The following LRMDA variants were observed in gnomAD, a reference collection of about 807,000 sequenced individuals.
The protein encoded by LRMDA is leucine rich melanocyte differentiation associated, also known as leucine-rich melanocyte differentiation-associated protein.
In LRMDA, 18 loss-of-function variants were observed where a neutral mutation model predicts 29.8. The observed-to-expected ratio is 0.60, with a 90% confidence interval of 0.42 to 0.90. The LOEUF is 0.90. Among genes scored for constraint, LRMDA ranks in the 40% least tolerant of loss-of-function variants. The probability of loss-of-function intolerance (pLI) is 0.00; values close to 1 mark genes in which losing one functional copy is unlikely to be tolerated. For missense variants in LRMDA, 273 were observed against 273.9 expected (o/e 1.00, Z 0.02); for synonymous variants, 125 against 109.4 (o/e 1.14, Z -0.89).
chr10:76,357,484 A>C (rs1009248184), intron 6 of LRMDA, among the ~76,000 whole-genome samples: 2 of 152,150 alleles, frequency 1.3e-5, no homozygotes, highest in African/African-American at 4.8e-5. Flanking sequence ...AGAAGAGACT[A>C]GTCCCTGGAT....
chr10:75,748,727 G>A (rs1842918352), intron 2 of LRMDA, among the ~76,000 whole-genome samples: 1 of 152,104 alleles, frequency 6.6e-6, no homozygotes, highest in African/African-American at 2.4e-5. Flanking sequence ...TTAGTGGGTT[G>A]TAACCAACAT....
At chr10:75,878,351 A>G (rs549519576) in intron 2 of LRMDA, among the ~76,000 whole-genome samples, 141 of 150,858 alleles carry the variant, frequency 9.3e-4, no homozygotes, top group Non-Finnish European at 1.7e-3. Context: ...AGTAGCTCTC[A>G]GTGAGGTGGA....
At chr10:75,931,134 T>A (rs563300737) in intron 2 of LRMDA, among the ~76,000 whole-genome samples, 1 of 152,162 alleles carries the variant, frequency 6.6e-6, no homozygotes, top group African/African-American at 2.4e-5. Context: ...CTTTTTACTC[T>A]AAAAACAAGT....
intron 5 of LRMDA, among the ~76,000 whole-genome samples, chr10:76,167,996 A>G (rs1850771544): frequency 6.6e-6 from 1 of 151,970 alleles, no homozygotes; most frequent in Admixed American, 6.6e-5. Flanking sequence ...ATTTCTAGGT[A>G]TTTTATTCTT....
At chr10:76,106,704 A>G (rs1449351238) in intron 5 of LRMDA, among the ~76,000 whole-genome samples, 2 of 152,204 alleles carry the variant, frequency 1.3e-5, no homozygotes, top group Non-Finnish European at 2.9e-5. Flanking sequence ...GGTAAATCAA[A>G]TTGAAAACAC....
intron 2 of LRMDA, among the ~76,000 whole-genome samples, chr10:75,568,060 A>G (rs1304239018): frequency 6.6e-6 from 1 of 152,206 alleles, no homozygotes; most frequent in Non-Finnish European, 1.5e-5. Flanking sequence ...TTTTAATTAG[A>G]AAGTAGACAA....
intron 2 of LRMDA, among the ~76,000 whole-genome samples, chr10:75,901,499 A>G (rs746964240): frequency 6.6e-6 from 1 of 152,236 alleles, no homozygotes; most frequent in African/African-American, 2.4e-5. Context: ...TTTTATCATC[A>G]TGACTGCTTT....
At chr10:76,245,501 T>C (rs997589448) in intron 5 of LRMDA, among the ~76,000 whole-genome samples, 2 of 152,158 alleles carry the variant, frequency 1.3e-5, no homozygotes, top group African/African-American at 4.8e-5. Context: ...TCATTGATGG[T>C]GAGAGGGAAG....
At chr10:76,184,972 T>A (rs961477815) in intron 5 of LRMDA, among the ~76,000 whole-genome samples, 3 of 152,168 alleles carry the variant, frequency 2.0e-5, no homozygotes, top group Non-Finnish European at 4.4e-5. Flanking sequence ...AAAATGGCAA[T>A]GTATTAAATA....
At chr10:75,638,040 T>C (rs1325107999) in intron 2 of LRMDA, among the ~76,000 whole-genome samples, 1 of 151,652 alleles carries the variant, frequency 6.6e-6, no homozygotes, top group African/African-American at 2.4e-5. Flanking sequence ...TTTCCAAATC[T>C]TTTTTTTTCC....
At chr10:75,991,263 A>G (rs1300130547) in intron 2 of LRMDA, among the ~76,000 whole-genome samples, 2 of 152,208 alleles carry the variant, frequency 1.3e-5, no homozygotes, top group East Asian at 3.9e-4. Context: ...TAGAATGGGT[A>G]TGAAATGACC....
At chr10:76,283,753 T>G (rs1840235895) in intron 5 of LRMDA, among the ~76,000 whole-genome samples, 1 of 152,192 alleles carries the variant, frequency 6.6e-6, no homozygotes, top group African/African-American at 2.4e-5. Context: ...TCCAGGTGTT[T>G]GGTTGAGCTG....
chr10:75,867,781 A>G (rs1291891565), intron 2 of LRMDA, among the ~76,000 whole-genome samples: 2 of 152,122 alleles, frequency 1.3e-5, no homozygotes, highest in Non-Finnish European at 2.9e-5. Context: ...TTGCAGACCT[A>G]TGATCTTTGG....
intron 2 of LRMDA, among the ~76,000 whole-genome samples, chr10:75,762,993 G>C (rs1269671138): frequency 2.6e-5 from 4 of 152,152 alleles, no homozygotes; most frequent in Non-Finnish European, 4.4e-5. Context: ...CTCCCTGGGG[G>C]ACTTGAGACC....
At chr10:76,280,302 T>A (rs1004026450) in intron 5 of LRMDA, among the ~76,000 whole-genome samples, 1 of 152,184 alleles carries the variant, frequency 6.6e-6, no homozygotes, top group Non-Finnish European at 1.5e-5. Context: ...CAGCTAGGTA[T>A]GATTCTCTTT....
chr10:76,501,910 G>T (rs1335449295), intron 6 of LRMDA, among the ~76,000 whole-genome samples: 4 of 151,904 alleles, frequency 2.6e-5, no homozygotes, highest in Admixed American at 2.6e-4. Flanking sequence ...TGCTTTTGGG[G>T]ATTTAGCCCA....
chr10:76,470,428 C>T (rs1842606415), intron 6 of LRMDA: 1 of 152,016 alleles, frequency 6.6e-6, no homozygotes, highest in Admixed American at 6.6e-5. Context: ...AACAAGAACT[C>T]AAACAGATAC....
chr10:76,272,285 C>T (rs373397409), intron 5 of LRMDA, among the ~76,000 whole-genome samples: 1 of 152,130 alleles, frequency 6.6e-6, no homozygotes, highest in Non-Finnish European at 1.5e-5. Context: ...AATTTAAATC[C>T]TCCTCAATGG....
At chr10:75,903,647 G>C (rs903253045) in intron 2 of LRMDA, among the ~76,000 whole-genome samples, 1 of 152,170 alleles carries the variant, frequency 6.6e-6, no homozygotes, top group Non-Finnish European at 1.5e-5. Flanking sequence ...CCAGAGCCTC[G>C]AGAAGTCTTT....
Sources: gnomAD v4.1 joint callset for allele counts (sites outside exome capture counted in the v4.1 genomes callset) on GRCh38, gnomAD v4.1.1 for gene constraint, MANE v1.5 for transcripts, NCBI Gene and HGNC (gene_info 2026-07-23, HGNC 2026-07-21) for gene names.